Variants in SUSD6 observed in about 807,000 individuals in gnomAD.
SUSD6 encodes sushi domain containing 6, also known as sushi domain-containing protein 6.
SUSD6 carries 16 observed loss-of-function variants against 28.4 expected under a neutral mutation model. The observed-to-expected ratio is 0.56, with a 90% CI of 0.38 to 0.86. The LOEUF (loss-of-function observed/expected upper bound fraction) is 0.86. Ranked by LOEUF, SUSD6 falls within the 40% of genes least tolerant of loss-of-function variation. The pLI is 0.00. For synonymous variants in SUSD6, 147 were observed against 159.6 expected, an observed-to-expected ratio of 0.92 and a Z score of 0.59; for missense variants, 341 against 384.2, an observed-to-expected ratio of 0.89 and a Z score of 0.94.
intron 1 of SUSD6, among the ~76,000 whole-genome samples, chr14:69,630,989 G>T (rs898377881): frequency 3.3e-5 from 5 of 152,200 alleles, no homozygotes; most frequent in Non-Finnish European, 7.3e-5. Context: ...AACATGAGGT[G>T]CCTGTGACTT....
At chr14:69,688,281 T>C (rs1886104328) in intron 2 of SUSD6, among the ~76,000 whole-genome samples, 1 of 152,238 alleles carries the variant, frequency 6.6e-6, no homozygotes, top group South Asian at 2.1e-4. Flanking sequence ...AATACTCTTA[T>C]CTTTCCATTA....
At chr14:69,703,628 G>A (rs191170374) in intron 3 of SUSD6, 36 bp downstream of exon 3, 5 of 1,592,920 alleles carry the variant, frequency 3.1e-6, no homozygotes, top group Non-Finnish European at 3.4e-6. Flanking sequence ...TGCTGCTGGG[G>A]TTCTGCTTTC....
intron 2 of SUSD6, among the ~76,000 whole-genome samples, chr14:69,683,293 C>T (rs1458201427): frequency 2.0e-5 from 3 of 152,126 alleles, no homozygotes; most frequent in Non-Finnish European, 4.4e-5. Context: ...CAGACACAGA[C>T]ACCATCAGGT....
chr14:69,672,085 C>T (rs553620395), intron 2 of SUSD6, among the ~76,000 whole-genome samples: 57 of 152,330 alleles, frequency 3.7e-4, no homozygotes, highest in African/African-American at 1.3e-3. Context: ...GCTCAGAGCA[C>T]TTCGTTAACA....
In SUSD6 at chr14:69,710,938, T is replaced by A. The variant is rs1223590322; in HGVS notation, c.887-16T>A. The A allele has an allele frequency of 6.2e-7, 1 of 1,613,980 alleles. No homozygotes were observed. The highest frequency in any genetic ancestry group is 1.1e-5 in the South Asian group (1 of 91,078). Reference sequence around the variant, plus strand: ...CACAAGGTAACCACTGTGCTTTTCTTCTGGTCTTCCTGCAGATATTCCACT... The same window carrying A: ...CACAAGGTAACCACTGTGCTTTTCTACTGGTCTTCCTGCAGATATTCCACT... On this transcript the variant is annotated splice_polypyrimidine_tract_variant and intron_variant, in intron 5 of 5. Coordinates refer to ENST00000342745, the MANE Select transcript of SUSD6 (RefSeq NM_014734.4).
chr14:69,703,131 C>T (rs375523911), intron 2 of SUSD6, among the ~76,000 whole-genome samples: 8 of 152,018 alleles, frequency 5.3e-5, no homozygotes, highest in South Asian at 4.1e-4. Context: ...TAGAGTCTGC[C>T]GTTCATTTAT....
At chr14:69,619,886 G>A (rs1217852928) in intron 1 of SUSD6, among the ~76,000 whole-genome samples, 1 of 152,206 alleles carries the variant, frequency 6.6e-6, no homozygotes, top group Non-Finnish European at 1.5e-5. Context: ...CTTCAGAGCT[G>A]TGTCTCGACT....
In SUSD6 at chr14:69,695,697, C is replaced by T. The variant is rs767939677; in HGVS notation, c.122-7698C>T. On this transcript the variant is annotated intron_variant, in intron 2 of 5. Transcript: ENST00000342745. ...GGGGTTCAAATCCTAACTGTGCCAC[C>T]CACCTGCTGGGTGAAATTGAGCAAG... 5.0e-4 allele frequency among the ~76,000 whole-genome samples: 76 copies of T among 152,078 alleles called. 1 individual carries two copies. The highest frequency in any genetic ancestry group is 8.5e-4 in the Non-Finnish European group (58 of 68,014).
chr14:69,691,099 T>A (rs1886146791), intron 2 of SUSD6, among the ~76,000 whole-genome samples: 1 of 152,166 alleles, frequency 6.6e-6, no homozygotes, highest in Non-Finnish European at 1.5e-5. Flanking sequence ...CCTAGCACTT[T>A]GGGAGGTTGA....
intron 3 of SUSD6, 61 bp from the exon 4 acceptor site, chr14:69,704,543 C>T: frequency 6.5e-7 from 1 of 1,531,778 alleles, no homozygotes. Flanking sequence ...AGCTGTGGGG[C>T]CCATCAGCTG....
At chr14:69,632,665 C>A (rs61144453) in intron 1 of SUSD6, among the ~76,000 whole-genome samples, 2,681 of 140,192 alleles carry the variant, frequency 0.019, 82 homozygotes, top group African/African-American at 0.067. Flanking sequence ...AAAAAAAAAA[C>A]AAAACACTGG....
chr14:69,667,370 CTTTTTTTTTTTTTT>C (rs10611584), intron 2 of SUSD6, among the ~76,000 whole-genome samples: 1 of 73,314 alleles, frequency 1.4e-5, no homozygotes, highest in African/African-American at 5.3e-5. Context: ...CTCACAGTTT[CTTTTTTTTTTTTTT>C]TTTTTTTTTT....
intron 2 of SUSD6, among the ~76,000 whole-genome samples, chr14:69,667,423 C>G (rs1012866193): frequency 7.3e-6 from 1 of 137,248 alleles, no homozygotes; most frequent in African/African-American, 2.8e-5. Flanking sequence ...GTCGCCCAGG[C>G]TGGAGTGCAG....
chr14:69,658,772 C>T, intron 2 of SUSD6, 59 bp downstream of exon 2: 1 of 1,609,036 alleles, frequency 6.2e-7, no homozygotes, highest in African/African-American at 1.3e-5. Flanking sequence ...CATTGTTTCT[C>T]TCGAAGACTA....
intron 4 of SUSD6, 137 bp downstream of exon 4, chr14:69,704,879 A>T: frequency 1.2e-6 from 1 of 855,892 alleles, no homozygotes; most frequent in South Asian, 1.7e-5. Context: ...GGGCCCTGCC[A>T]TGTGTCAAAC....
intron 1 of SUSD6, among the ~76,000 whole-genome samples, chr14:69,643,799 T>A (rs2139604628): frequency 6.6e-6 from 1 of 152,338 alleles, no homozygotes; most frequent in East Asian, 1.9e-4. Flanking sequence ...GAAGTATAGG[T>A]CTGTTACCTC....
At chr14:69,675,539 GT>G (rs1047622931) in intron 2 of SUSD6, among the ~76,000 whole-genome samples, 15 of 73,488 alleles carry the variant, frequency 2.0e-4, no homozygotes, top group African/African-American at 5.1e-4. Context: ...TTCAGTTTCT[GT>G]GCTTTTTTTT....
At chr14:69,634,570 CA>C (rs1413592211) in intron 1 of SUSD6, among the ~76,000 whole-genome samples, 1 of 152,202 alleles carries the variant, frequency 6.6e-6, no homozygotes, top group Non-Finnish European at 1.5e-5. Flanking sequence ...AGGTTGGTAA[CA>C]TCTGTGGGCT....
chr14:69,665,114 G>A (rs369731764), intron 2 of SUSD6, among the ~76,000 whole-genome samples: 7 of 152,250 alleles, frequency 4.6e-5, no homozygotes, highest in Non-Finnish European at 7.3e-5. Flanking sequence ...TAGAGATAAC[G>A]TTTCCATGGT....
Sources: allele counts gnomAD v4.1 joint callset (sites outside exome capture counted in the v4.1 genomes callset), GRCh38; gene constraint gnomAD v4.1.1; transcripts MANE v1.5; gene names NCBI Gene and HGNC (gene_info 2026-07-23, HGNC 2026-07-21).